Variants in XIRP2 observed in about 807,000 individuals in gnomAD.
XIRP2 encodes the protein xin actin binding repeat containing 2, also known as xin actin-binding repeat-containing protein 2.
A neutral mutation model predicts 277.0 loss-of-function variants in XIRP2; 236 were observed. That is an observed-to-expected ratio of 0.85 (90% CI 0.77 to 0.95). The LOEUF (loss-of-function observed/expected upper bound fraction) is 0.95, where lower values mean the gene tolerates loss of function less well. Ranked by LOEUF, XIRP2 falls within the 40% of genes least tolerant of loss-of-function variation. XIRP2 has a pLI of 0.00. For missense variants in XIRP2, 4,640 were observed against 4,157.5 expected (o/e 1.12, Z -3.19); for synonymous variants, 1,490 against 1,416.5 (o/e 1.05, Z -1.17).
Position 167,244,005 on chromosome 2 carries a change from T to C in XIRP2, c.2613T>C (p.Asp871=), listed in dbSNP as rs1271944934. The change falls in exon 9 of 11, where the codon GAT becomes GAC. Residue 871 remains aspartate, a synonymous_variant. Transcript: ENST00000409195. ...SLQREEIIGG[D]VQTTKHLFET... Reference sequence around the variant, plus strand: ...AACGTGAGGAGATAATAGGTGGTGATGTACAAACTACTAAGCATCTATTTG... The same window carrying C: ...AACGTGAGGAGATAATAGGTGGTGACGTACAAACTACTAAGCATCTATTTG... 3 of 1,614,052 alleles carry C rather than the reference T, an allele frequency of 1.9e-6. No individual in the cohort carries two copies. Among genetic ancestry groups the C allele is most frequent in the South Asian group, 2.2e-5 (2 of 91,080 alleles).
At chr2:167,214,944 G>T (rs1198972117) in intron 4 of XIRP2, among the ~76,000 whole-genome samples, 1 of 152,140 alleles carries the variant, frequency 6.6e-6, no homozygotes, top group Non-Finnish European at 1.5e-5. Context: ...TTGTGAAAAT[G>T]CATTTACCAG....
intron 2 of XIRP2, among the ~76,000 whole-genome samples, chr2:166,968,325 A>G (rs1046286425): frequency 1.3e-5 from 2 of 151,952 alleles, no homozygotes; most frequent in African/African-American, 4.8e-5. Context: ...TTTTATCTAT[A>G]CAAAAAGGCA....
At chr2:167,256,726 A>G (rs569388403) in intron 10 of XIRP2, among the ~76,000 whole-genome samples, 2 of 152,012 alleles carry the variant, frequency 1.3e-5, no homozygotes, top group East Asian at 3.9e-4. Flanking sequence ...AAACCTTAGA[A>G]GGATAAAAAT....
intron 2 of XIRP2, among the ~76,000 whole-genome samples, chr2:167,085,246 AGC>A (rs1689898004): frequency 6.6e-6 from 1 of 150,858 alleles, no homozygotes; most frequent in Admixed American, 6.6e-5. Context: ...CATGTAGTTG[AGC>A]GGTTTTGAGT....
chr2:167,202,085 A>T (rs58234151), intron 3 of XIRP2, among the ~76,000 whole-genome samples: 6,455 of 152,260 alleles, frequency 0.042, 203 homozygotes, highest in East Asian at 0.12. Flanking sequence ...TCATTATTAT[A>T]ATGTAATATA....
intron 2 of XIRP2, among the ~76,000 whole-genome samples, chr2:167,079,505 T>A (rs771682661): frequency 4.6e-5 from 7 of 152,164 alleles, no homozygotes; most frequent in Non-Finnish European, 8.8e-5. Flanking sequence ...TATTACTGAT[T>A]CAGTTTTAGA....
intron 4 of XIRP2, among the ~76,000 whole-genome samples, chr2:167,215,504 A>T (rs1432864073): frequency 6.6e-6 from 1 of 152,204 alleles, no homozygotes; most frequent in Non-Finnish European, 1.5e-5. Context: ...AAACCCCAAG[A>T]TAGGCACTAC....
chr2:167,201,263 AGAGAGGGAG>A lies in XIRP2; in HGVS notation c.563-9471_563-9463del, dbSNP rs1693703950. ...GAAAGAAAGAAAGAAAGAAAGAAAG[AGAGAGGGAG>A]AAAGGAAAGAAGGAAGGAGGGAGGG... On this transcript the variant is annotated intron_variant, in intron 3 of 10. Transcript: ENST00000409195. 3.0e-5 allele frequency among the ~76,000 whole-genome samples: 4 copies of A among 133,614 alleles called. No homozygotes were observed. The South Asian group carries it at 9.6e-4, about 32-fold the overall frequency. 87.7% of individuals were successfully genotyped at this position (133,614 alleles called of 152,430 possible).
intron 2 of XIRP2, among the ~76,000 whole-genome samples, chr2:166,962,075 C>T (rs567976538): frequency 9.9e-5 from 15 of 151,724 alleles, no homozygotes; most frequent in Admixed American, 2.6e-4. Flanking sequence ...TGGTCCATTT[C>T]TCAATGAAGA....
intron 2 of XIRP2, among the ~76,000 whole-genome samples, chr2:167,134,162 G>C (rs1020125255): frequency 6.6e-6 from 1 of 151,144 alleles, no homozygotes; most frequent in Non-Finnish European, 1.5e-5. Context: ...ATAAATGTAT[G>C]TACACACATA....
chr2:167,059,450 A>AAAAATAAAATAAAATAAAATAAAAT (rs56983000), intron 2 of XIRP2, among the ~76,000 whole-genome samples: 1,745 of 140,334 alleles, frequency 0.012, 63 homozygotes, highest in African/African-American at 0.047. Flanking sequence ...ACATGTGGAA[A>AAAAATAAAATAAAATAAAATAAAAT]AAAATAAAAT....
chr2:167,259,150 G>C lies in XIRP2; in HGVS notation c.*1333G>C, dbSNP rs1346019125. ...ATTCTGTAGATCAAATTAAAAATATGCCATGCTTGGATTTAAGGGAATTTG... is the reference window on the plus strand; with the variant it reads ...ATTCTGTAGATCAAATTAAAAATATCCCATGCTTGGATTTAAGGGAATTTG... On this transcript the variant is annotated 3_prime_UTR_variant, in exon 11 of 11. Transcript: ENST00000409195. The C allele has an allele frequency of 6.2e-7, 1 of 1,612,816 alleles. No individual in the cohort carries two copies. Among genetic ancestry groups the C allele is most frequent in the South Asian group, 1.1e-5 (1 of 90,958 alleles).
chr2:167,168,816 C>A (rs1344175486), intron 3 of XIRP2, among the ~76,000 whole-genome samples: 1 of 151,870 alleles, frequency 6.6e-6, no homozygotes, highest in African/African-American at 2.4e-5. Flanking sequence ...GGGTTTCACC[C>A]TGTTAGCCAG....
intron 2 of XIRP2, among the ~76,000 whole-genome samples, chr2:166,914,109 A>G (rs548778776): frequency 2.0e-5 from 3 of 152,304 alleles, no homozygotes; most frequent in African/African-American, 7.2e-5. Flanking sequence ...TCTTTATCAG[A>G]GGAACACAGG....
rs766893226 is a variant in XIRP2, at chr2:167,243,289, T to C, written c.1897T>C (p.Ser633Pro). Residue 633 changes from serine (S) to proline (P), a missense_variant, in exon 9 of 11, where the codon TCT (serine) becomes CCT (proline). Transcript: ENST00000409195. ...ACCCATCGACACACTTGGGGCTTAT[T>C]CTTCTGACACTGTAGAAAATGCAGA... Reference protein sequence around the residue: ...TQPIDTLGAYSSDTVENAEKI... With the variant: ...TQPIDTLGAYPSDTVENAEKI... The C allele has an allele frequency of 2.5e-6, 4 of 1,613,568 alleles. No individual in the cohort carries two copies. Among genetic ancestry groups the C allele is most frequent in the Middle Eastern group, 1.6e-4 (1 of 6,082 alleles).
chr2:166,937,042 T>C (rs1685538444), intron 2 of XIRP2, among the ~76,000 whole-genome samples: 1 of 152,146 alleles, frequency 6.6e-6, no homozygotes. Context: ...TTCCTATCCA[T>C]GAGCATGGAA....
At chr2:166,964,329 G>A (rs1686372354) in intron 2 of XIRP2, among the ~76,000 whole-genome samples, 1 of 151,768 alleles carries the variant, frequency 6.6e-6, no homozygotes, top group Non-Finnish European at 1.5e-5. Context: ...AATGCAGGAG[G>A]ATGTTACAAT....
At chr2:167,093,634 A>G (rs1690213759) in intron 2 of XIRP2, among the ~76,000 whole-genome samples, 1 of 152,112 alleles carries the variant, frequency 6.6e-6, no homozygotes. Context: ...ATGTCCCTGC[A>G]AAGAAATGAA....
At chr2:167,218,960 G>A (rs1417686849) in intron 5 of XIRP2, among the ~76,000 whole-genome samples, 2 of 152,078 alleles carry the variant, frequency 1.3e-5, no homozygotes, top group Admixed American at 1.3e-4. Flanking sequence ...TAATTACACT[G>A]TAAACAGGTG....
Sources: allele counts gnomAD v4.1 joint callset (sites outside exome capture counted in the v4.1 genomes callset), GRCh38; gene constraint gnomAD v4.1.1; transcripts MANE v1.5; gene names NCBI Gene and HGNC (gene_info 2026-07-23, HGNC 2026-07-21).